Variants in TBC1D12 observed in about 807,000 individuals in gnomAD.
The protein encoded by TBC1D12 is TBC1 domain family, member 12.
A neutral mutation model predicts 86.7 loss-of-function variants in TBC1D12; 56 were observed. The ratio of observed to expected loss-of-function variants is 0.65; its 90% CI spans 0.52 to 0.81. TBC1D12 has a LOEUF of 0.81. Ranked by LOEUF, TBC1D12 falls within the 30% of genes least tolerant of loss-of-function variation. The probability of loss-of-function intolerance (pLI) is 0.00; values close to 1 mark genes in which losing one functional copy is unlikely to be tolerated. For missense variants in TBC1D12, 1,023 were observed against 1,038.8 expected (o/e 0.98, Z 0.21); for synonymous variants, 421 against 411.7 (o/e 1.02, Z -0.27).
At chr10:94,465,802 A>ACATG (rs2055807471) in intron 2 of TBC1D12, among the ~76,000 whole-genome samples, 1 of 151,068 alleles carries the variant, frequency 6.6e-6, no homozygotes, top group Admixed American at 6.6e-5. Flanking sequence ...ACGCATACAT[A>ACATG]CATATACGCA....
At chr10:94,499,938 T>C (rs1232612656) in intron 5 of TBC1D12, among the ~76,000 whole-genome samples, 2 of 152,244 alleles carry the variant, frequency 1.3e-5, no homozygotes, top group African/African-American at 4.8e-5. Context: ...CCTTTTATCC[T>C]GTTTTTTAAA....
At chr10:94,474,601 T>C (rs1013329613) in intron 2 of TBC1D12, 67 bp from the exon 3 acceptor site, 4 of 1,110,228 alleles carry the variant, frequency 3.6e-6, no homozygotes, top group Non-Finnish European at 5.4e-6. Flanking sequence ...TTTTTAATGA[T>C]ACAGATTTAA....
intron 1 of TBC1D12, among the ~76,000 whole-genome samples, chr10:94,418,893 G>A (rs1335378822): frequency 4.2e-5 from 6 of 144,236 alleles, no homozygotes; most frequent in African/African-American, 1.5e-4. Context: ...TTTTTTTTTC[G>A]AGGCAGAGTC....
intron 2 of TBC1D12, among the ~76,000 whole-genome samples, chr10:94,448,036 C>T (rs2055496196): frequency 1.3e-5 from 2 of 151,798 alleles, no homozygotes; most frequent in South Asian, 4.2e-4. Flanking sequence ...ATACACATGC[C>T]ATTTTCTGGT....
At chr10:94,528,292 G>C (rs1016043974) in intron 11 of TBC1D12, among the ~76,000 whole-genome samples, 1 of 151,968 alleles carries the variant, frequency 6.6e-6, no homozygotes, top group African/African-American at 2.4e-5. Context: ...CACCTCCTTG[G>C]TTAAATTTAC....
chr10:94,479,126 TA>T (rs1366159780), intron 3 of TBC1D12, among the ~76,000 whole-genome samples: 1 of 152,096 alleles, frequency 6.6e-6, no homozygotes, highest in East Asian at 1.9e-4. Flanking sequence ...GGAACTTTAA[TA>T]GAGGAATTCA....
chr10:94,404,581 G>A (rs1026524922), intron 1 of TBC1D12, among the ~76,000 whole-genome samples: 1 of 151,618 alleles, frequency 6.6e-6, no homozygotes, highest in African/African-American at 2.4e-5. Flanking sequence ...GGGAGGTAGA[G>A]GTTGCAGTGA....
intron 1 of TBC1D12, among the ~76,000 whole-genome samples, chr10:94,408,005 TA>T (rs781281091): frequency 2.6e-4 from 40 of 152,332 alleles, no homozygotes; most frequent in Admixed American, 5.2e-4. Context: ...GTTCTTCAAG[TA>T]AATTCATGTC....
intron 2 of TBC1D12, among the ~76,000 whole-genome samples, chr10:94,448,623 C>T (rs1261562068): frequency 6.6e-6 from 1 of 152,110 alleles, no homozygotes; most frequent in Non-Finnish European, 1.5e-5. Flanking sequence ...ACTACAGGTG[C>T]ATGCCACCAT....
intron 6 of TBC1D12, among the ~76,000 whole-genome samples, chr10:94,503,812 A>G (rs1479711554): frequency 6.6e-6 from 1 of 152,038 alleles, no homozygotes; most frequent in Non-Finnish European, 1.5e-5. Context: ...TTTAGTAGAG[A>G]TGGGGTTTTG....
Position 94,457,240 on chromosome 10 carries a change from T to G in TBC1D12, c.1095+15221T>G, listed in dbSNP as rs547059893. Among the ~76,000 whole-genome samples the G allele has an allele frequency of 2.0e-5, 3 of 152,310 alleles. No homozygotes were observed. The South Asian group carries it at 6.2e-4, about 32-fold the overall frequency. ...CACATGCATTAGGTATTTGTCCTAA[T>G]GCTCTCCCTCCCCTTGTCTCCCCAC... On this transcript the variant is annotated intron_variant, in intron 2 of 12. Coordinates refer to ENST00000225235, the MANE Select transcript of TBC1D12 (RefSeq NM_015188.2).
At chr10:94,519,664 G>C (rs1300622341) in intron 9 of TBC1D12, among the ~76,000 whole-genome samples, 2 of 152,204 alleles carry the variant, frequency 1.3e-5, no homozygotes, top group African/African-American at 4.8e-5. Flanking sequence ...TCCTCAGGAA[G>C]TTCTAGGGGA....
At chr10:94,426,886 T>A (rs2055154298) in intron 1 of TBC1D12, among the ~76,000 whole-genome samples, 2 of 152,134 alleles carry the variant, frequency 1.3e-5, no homozygotes, top group African/African-American at 2.4e-5. Context: ...TGATTTTTTT[T>A]ATTTAAATAT....
chr10:94,429,439 T>C (rs2055187453), intron 1 of TBC1D12, among the ~76,000 whole-genome samples: 1 of 152,128 alleles, frequency 6.6e-6, no homozygotes, highest in African/African-American at 2.4e-5. Context: ...TTTTTCCAAG[T>C]GAAAAATGAT....
At chr10:94,500,179 T>C in intron 5 of TBC1D12, 42 bp from the exon 6 acceptor site, 1 of 1,573,418 alleles carries the variant, frequency 6.4e-7, no homozygotes, top group Non-Finnish European at 8.7e-7. Context: ...ATTTTTGGTA[T>C]AAAAAGTAAC....
chr10:94,529,648 TC>T (rs1467546924), intron 11 of TBC1D12, among the ~76,000 whole-genome samples: 1 of 152,052 alleles, frequency 6.6e-6, no homozygotes, highest in Non-Finnish European at 1.5e-5. Context: ...TGTATTCTCT[TC>T]CCGTCCCCCA....
chr10:94,424,529 G>T (rs577241157), intron 1 of TBC1D12, among the ~76,000 whole-genome samples: 2 of 152,288 alleles, frequency 1.3e-5, no homozygotes, highest in South Asian at 4.1e-4. Flanking sequence ...CTAGAATAAG[G>T]CCTTTCTGTT....
chr10:94,443,996 C>T (rs761221342), intron 2 of TBC1D12, among the ~76,000 whole-genome samples: 5 of 151,846 alleles, frequency 3.3e-5, no homozygotes, highest in Non-Finnish European at 2.9e-5. Flanking sequence ...ATGGTGAAAC[C>T]CTGTCTCTAC....
At position 94,507,253 on chromosome 10, in the gene TBC1D12, C is replaced by G. The variant is rs1416340835; in HGVS notation, c.1520-14C>G. The G allele has an allele frequency of 6.3e-7, 1 of 1,597,828 alleles. No homozygotes were observed. The highest frequency in any genetic ancestry group is 8.5e-7 in the Non-Finnish European group (1 of 1,176,318). On this transcript the variant is annotated splice_polypyrimidine_tract_variant and intron_variant, in intron 6 of 12. Coordinates refer to ENST00000225235, the MANE Select transcript of TBC1D12 (RefSeq NM_015188.2). ...CTATTATTCATACATTTTTGTTCTCCCCCCAACCCCCAGAACTTTATGAAA... is the reference window on the plus strand; with the variant it reads ...CTATTATTCATACATTTTTGTTCTCGCCCCAACCCCCAGAACTTTATGAAA...
Sources: gnomAD v4.1 joint callset for allele counts (sites outside exome capture counted in the v4.1 genomes callset) on GRCh38, gnomAD v4.1.1 for gene constraint, MANE v1.5 for transcripts, NCBI Gene and HGNC (gene_info 2026-07-23, HGNC 2026-07-21) for gene names.